MFSD12: variants seen among roughly 807,000 people sequenced by gnomAD.
MFSD12 encodes the protein major facilitator superfamily domain containing 12, also known as major facilitator superfamily domain-containing protein 12.
MFSD12 carries 67 observed loss-of-function variants against 51.2 expected under a neutral mutation model. The observed-to-expected ratio is 1.31, with a 90% CI of 1.08 to 1.60. MFSD12 has a LOEUF of 1.60. Among genes scored for constraint, MFSD12 ranks in the 40% most tolerant of loss-of-function variants. MFSD12 has a pLI of 0.00. For missense variants in MFSD12, 921 were observed against 673.0 expected (o/e 1.37, Z -4.08); for synonymous variants, 441 against 316.7 (o/e 1.39, Z -4.17).
At chr19:3,543,716 AG>A (rs1334728554), downstream of MFSD12, 1 of 1,500,314 alleles carries the variant, frequency 6.7e-7, no homozygotes. Context: ...TTGGGAGGCC[AG>A]GGGGACAAGG....
chr19:3,540,465 C>T (rs1468943891), downstream of MFSD12, among the ~76,000 whole-genome samples: 21 of 148,346 alleles, frequency 1.4e-4, no homozygotes, highest in Admixed American at 8.1e-4. Context: ...ACCATGTTGG[C>T]CAGGATGGTC....
chr19:3,543,697 G>A (rs1180597772), downstream of MFSD12: 28 of 1,518,952 alleles, frequency 1.8e-5, no homozygotes, highest in Non-Finnish European at 2.4e-5. Flanking sequence ...CTAGGTGCAG[G>A]GTGGGTCCTT....
downstream of MFSD12, among the ~76,000 whole-genome samples, chr19:3,540,603 G>C (rs886217099): frequency 1.3e-5 from 2 of 151,882 alleles, no homozygotes; most frequent in Non-Finnish European, 2.9e-5. Flanking sequence ...CAGGCAGCCA[G>C]GCGCAGTGGC....
At chr19:3,550,119 C>T (rs1258894298) in intron 2 of MFSD12, among the ~76,000 whole-genome samples, 1 of 152,142 alleles carries the variant, frequency 6.6e-6, no homozygotes, top group East Asian at 1.9e-4. Context: ...GAGGAGGGAC[C>T]GCCCCCAGCC....
At chr19:3,555,725 G>A (rs963372399) in intron 1 of MFSD12, among the ~76,000 whole-genome samples, 1 of 152,234 alleles carries the variant, frequency 6.6e-6, no homozygotes, top group African/African-American at 2.4e-5. Flanking sequence ...CCAAGGGTGA[G>A]GAGGCACCCG....
chr19:3,547,693 G>A, intron 4 of MFSD12, 146 bp from the exon 5 acceptor site: 3 of 1,173,798 alleles, frequency 2.6e-6, no homozygotes, highest in Non-Finnish European at 3.6e-6. Context: ...GGGCCAGGAA[G>A]AGGAGAGCAG....
At chr19:3,549,537 A>ACAT (rs2031337359) in intron 2 of MFSD12, among the ~76,000 whole-genome samples, 2 of 151,112 alleles carry the variant, frequency 1.3e-5, no homozygotes, top group Admixed American at 6.6e-5. Flanking sequence ...AGCCTGGCCA[A>ACAT]GACGGTGAAA....
Position 3,557,231 on chromosome 19 carries a change from G to T in MFSD12, c.173C>A (p.Ala58Glu). Residue 58 changes from alanine to glutamate, a missense_variant, in exon 1 of 10, where the codon GCG (alanine) becomes GAG (glutamate). Transcript: ENST00000355415. ...HSVRAYSSRGAGLLLLLGQVA... is the reference protein window; with the variant it reads ...HSVRAYSSRGEGLLLLLGQVA... ...CTGGCCCAGCAGCAGCAGCAGCCCC[G>T]CGCCGCGGGAGCTGTAGGCGCGCAC... is the stretch of plus-strand genomic sequence containing the variant. 1 of 1,591,042 alleles carries T rather than the reference G, an allele frequency of 6.3e-7. No homozygotes were observed. The highest frequency in any genetic ancestry group is 8.5e-7 in the Non-Finnish European group (1 of 1,170,802).
downstream of MFSD12, chr19:3,543,581 G>A (rs200947619): frequency 1.1e-3 from 1,739 of 1,518,882 alleles, 4 homozygotes; most frequent in Non-Finnish European, 1.5e-3. Flanking sequence ...GCGGGAGACC[G>A]CCTGGCATGA....
In MFSD12 at chr19:3,544,599, TG is replaced by T. The variant is rs1177128670; in HGVS notation, c.*110del. 1 of 1,477,616 alleles carries T rather than the reference TG, an allele frequency of 6.8e-7. No homozygotes were observed. The highest frequency in any genetic ancestry group is 2.4e-5 in the East Asian group (1 of 42,508). The allele number at this position is 1,477,616 out of a possible 1,614,324, so 91.5% of individuals were successfully genotyped here. On this transcript the variant is annotated 3_prime_UTR_variant, in exon 10 of 10. Transcript: ENST00000355415. ...CCGGGAGCTGGGTGAGGATGGAGGGTGGGGGTCCAGAGAAGAGTGAGGGGCA... is the reference window on the plus strand; with the variant it reads ...CCGGGAGCTGGGTGAGGATGGAGGGTGGGGTCCAGAGAAGAGTGAGGGGCA...
At position 3,544,639 on chromosome 19, in the gene MFSD12, C is replaced by T; in HGVS notation, c.*71G>A. ...GAGTGAGGGGCAGTGGGGGCTTTTC[C>T]CCAAGGCCCTGGGGGGCATCCTCGT... On this transcript the variant is annotated 3_prime_UTR_variant, in exon 10 of 10. Transcript: ENST00000355415. 6.5e-7 allele frequency: 1 copy of T among 1,527,524 alleles called. No homozygotes were observed. The allele number at this position is 1,527,524 out of a possible 1,614,324, so 94.6% of individuals were successfully genotyped here.
rs771995575 is a variant in MFSD12 at position 3,546,364 on chromosome 19, T to C, written c.1085A>G (p.Glu362Gly). The change falls in exon 7 of 10, where the codon GAG (glutamate) becomes GGG (glycine). Residue 362 changes from glutamate (E) to glycine (G), a missense_variant. Glu to Gly is a moderately conservative substitution (Grantham distance 98). Transcript: ENST00000355415. ...TGCGTACACGGCCACACCCAGTCCCTCCGCCAGCGCCACCCAGGCGGCAAA... is the reference window on the plus strand; with the variant it reads ...TGCGTACACGGCCACACCCAGTCCCCCCGCCAGCGCCACCCAGGCGGCAAA... ...LAFAAWVALA[E>G]GLGVAVYAAA... is the part of the protein sequence containing the mutation. 5.6e-6 allele frequency: 9 copies of C among 1,607,684 alleles called. No homozygotes were observed. In the South Asian group the frequency reaches 6.6e-5, roughly 12 times the overall value.
At chr19:3,547,577 G>A (rs914210589) in intron 4 of MFSD12, 30 bp from the exon 5 acceptor site, 1 of 1,570,180 alleles carries the variant, frequency 6.4e-7, no homozygotes, top group African/African-American at 1.4e-5. Context: ...GGGACTGGCA[G>A]GGGTCAGGAG....
chr19:3,542,437 C>T (rs185820143), downstream of MFSD12: 1 of 985,368 alleles, frequency 1.0e-6, no homozygotes, highest in East Asian at 1.1e-4. Flanking sequence ...GGACATATTC[C>T]CAAGAGCAAG....
downstream of MFSD12, chr19:3,539,313 C>CCCCCGG: frequency 8.7e-7 from 1 of 1,148,036 alleles, no homozygotes; most frequent in Non-Finnish European, 1.3e-6. Context: ...CCCTCCCTCC[C>CCCCCGG]TGGGTGTCAG....
At chr19:3,542,722 A>C, downstream of MFSD12, 3 of 1,304,952 alleles carry the variant, frequency 2.3e-6, no homozygotes, top group South Asian at 1.2e-5. Context: ...ACCTCAAGTG[A>C]TCCACCTGCC....
Position 3,544,824 on chromosome 19 carries a change from T to A in MFSD12, c.1405A>T (p.Thr469Ser), listed in dbSNP as rs868784086. 6.2e-7 allele frequency: 1 copy of A among 1,611,474 alleles called. No individual in the cohort carries two copies. The highest frequency in any genetic ancestry group is 8.5e-7 in the Non-Finnish European group (1 of 1,179,300). Residue 469 changes from threonine (T) to serine (S), a missense_variant, in exon 9 of 10, where the codon ACC (threonine) becomes TCC (serine). Physicochemically the swap from Thr to Ser is moderately conservative, Grantham distance 58. Coordinates refer to ENST00000355415, the MANE Select transcript of MFSD12 (RefSeq NM_174983.5). Reference protein sequence around the residue: ...LCLCSLLLWPTRLRRWDRDAR... With the variant: ...LCLCSLLLWPSRLRRWDRDAR... ...CAGGACTCACAGCGTCGCAGGCGGG[T>A]CGGCCACAGCAGGAGGCTACAGAGA...
At chr19:3,539,944 A>T (rs1348957141), downstream of MFSD12, 1 of 152,174 alleles carries the variant, frequency 6.6e-6, no homozygotes, top group African/African-American at 2.4e-5. Context: ...CTCCATTTCC[A>T]AGGAAAGAAA....
chr19:3,557,495 ACCC>A lies in MFSD12; in HGVS notation c.-95_-93del. ...GGTGCCGTGGGGGCAGGCGCCGGGGACCCCCACCACGCGCCGGGCACCCCGCGT... is the reference window on the plus strand; with the variant it reads ...GGTGCCGTGGGGGCAGGCGCCGGGGACCACCACGCGCCGGGCACCCCGCGT... On this transcript the variant is annotated 5_prime_UTR_variant, in exon 1 of 10. Transcript: ENST00000355415. The A allele has an allele frequency of 1.3e-6, 1 of 781,014 alleles. No individual in the cohort carries two copies. 48.4% of individuals were successfully genotyped at this position (781,014 alleles called of 1,614,324 possible).
Sources: allele counts gnomAD v4.1 joint callset (sites outside exome capture counted in the v4.1 genomes callset), GRCh38; gene constraint gnomAD v4.1.1; transcripts MANE v1.5; gene names NCBI Gene and HGNC (gene_info 2026-07-23, HGNC 2026-07-21).